The following CSMD1 variants were observed in gnomAD, a reference collection of about 807,000 sequenced individuals.
The protein encoded by CSMD1 is CUB and sushi domain-containing protein 1.
CSMD1 carries 213 observed loss-of-function variants against 417.5 expected under a neutral mutation model. The observed-to-expected ratio is 0.51, with a 90% CI of 0.46 to 0.57. The LOEUF is 0.57. Ranked by LOEUF, CSMD1 falls within the 20% of genes least tolerant of loss-of-function variation. CSMD1 has a pLI of 0.00. For missense variants in CSMD1, 6,923 were observed against 4,529.7 expected, an observed-to-expected ratio of 1.53 and a Z score of -15.17; for synonymous variants, 2,862 against 1,736.8, an observed-to-expected ratio of 1.65 and a Z score of -16.11.
chr8:3,489,459 A>T (rs538806280), intron 11 of CSMD1, among the ~76,000 whole-genome samples: 1 of 152,204 alleles, frequency 6.6e-6, no homozygotes, highest in Admixed American at 6.5e-5. Context: ...TGCAAAGGCC[A>T]GAGGGAATCC....
At chr8:3,599,149 G>GTGTGTT (rs35919818) in intron 8 of CSMD1, among the ~76,000 whole-genome samples, 4 of 146,408 alleles carry the variant, frequency 2.7e-5, no homozygotes, top group African/African-American at 2.7e-5. Flanking sequence ...GTGTGTGTGT[G>GTGTGTT]TCTGTGTGTG....
At chr8:3,795,448 C>G (rs1362488187) in intron 5 of CSMD1, among the ~76,000 whole-genome samples, 1 of 22,050 alleles carries the variant, frequency 4.5e-5, no homozygotes, top group East Asian at 1.5e-3. Flanking sequence ...ATATATCTAT[C>G]ATAGATATAG....
chr8:3,632,737 T>A (rs28578657), intron 7 of CSMD1, among the ~76,000 whole-genome samples: 21,621 of 152,156 alleles, frequency 0.14, 1,969 homozygotes, highest in African/African-American at 0.25. Flanking sequence ...ACCACACCAA[T>A]GTCCTTGCCA....
intron 4 of CSMD1, among the ~76,000 whole-genome samples, chr8:4,016,473 A>C (rs1223846148): frequency 6.6e-6 from 1 of 152,130 alleles, no homozygotes; most frequent in East Asian, 1.9e-4. Context: ...GCCTCTGCCC[A>C]AGAATGCAAG....
In CSMD1 at chr8:3,668,269, C is replaced by T. The variant is rs142101809; in HGVS notation, c.1009+40145G>A. On this transcript the variant is annotated intron_variant, in intron 7 of 69. Coordinates refer to ENST00000635120, the MANE Select transcript of CSMD1 (RefSeq NM_033225.6). ...CATTCTGGGTGATGAGTTCAGCCTG[C>T]GAAGATGGCCCTGTGTAAAGGAAGA... Among the ~76,000 whole-genome samples, 625 of 152,170 alleles carry T rather than the reference C, an allele frequency of 4.1e-3. 1 individual carries two copies. The highest frequency in any genetic ancestry group is 6.6e-3 in the Non-Finnish European group (450 of 68,020).
intron 1 of CSMD1, among the ~76,000 whole-genome samples, chr8:4,980,360 G>T (rs1022239689): frequency 6.6e-6 from 1 of 152,200 alleles, no homozygotes; most frequent in Non-Finnish European, 1.5e-5. Flanking sequence ...TGCACTTAGA[G>T]CCCCAGCAAG....
chr8:4,016,753 G>C (rs977646694), intron 4 of CSMD1, among the ~76,000 whole-genome samples: 21 of 152,130 alleles, frequency 1.4e-4, no homozygotes, highest in Non-Finnish European at 2.8e-4. Flanking sequence ...TTGGGTTAAG[G>C]GCTCTGTTGA....
intron 16 of CSMD1, among the ~76,000 whole-genome samples, chr8:3,398,170 T>A (rs1470819800): frequency 6.6e-6 from 1 of 152,126 alleles, no homozygotes; most frequent in African/African-American, 2.4e-5. Flanking sequence ...TTTTACTAAA[T>A]TACTTAAATT....
At chr8:3,338,216 G>T (rs907364710) in intron 23 of CSMD1, among the ~76,000 whole-genome samples, 3 of 152,172 alleles carry the variant, frequency 2.0e-5, no homozygotes, top group Non-Finnish European at 4.4e-5. Flanking sequence ...GTGTATGCCT[G>T]TCTCATCTCC....
chr8:3,496,453 G>A (rs1396741850), intron 10 of CSMD1, among the ~76,000 whole-genome samples: 1 of 152,214 alleles, frequency 6.6e-6, no homozygotes, highest in African/African-American at 2.4e-5. Context: ...ACAGAGCTAG[G>A]AGTGTTTATT....
chr8:3,023,094 A>G (rs1332052917), intron 51 of CSMD1, among the ~76,000 whole-genome samples: 2 of 152,218 alleles, frequency 1.3e-5, no homozygotes, highest in East Asian at 1.9e-4. Flanking sequence ...CGAAATGACA[A>G]TGACTACGCT....
chr8:3,387,578 C>A lies in CSMD1; in HGVS notation c.2698G>T (p.Asp900Tyr). The A allele has an allele frequency of 6.2e-7, 1 of 1,601,210 alleles. No homozygotes were observed. The highest frequency in any genetic ancestry group is 1.7e-4 in the Middle Eastern group (1 of 6,050). Residue 900 changes from aspartate (D) to tyrosine (Y), a missense_variant, in exon 18 of 70, where the codon GAC becomes TAC. Physicochemically the swap from Asp to Tyr is radical, Grantham distance 160 (BLOSUM62 -3). Coordinates refer to ENST00000635120, the MANE Select transcript of CSMD1 (RefSeq NM_033225.6). The part of the protein sequence containing the change: ...GIRSTVTFSC[D>Y]PGYTLSDDEP... ...TCGTCACTTAGTGTGTACCCCGGGT[C>A]ACAGCTGAAAGTCACTGTGGACCTG...
At chr8:3,439,309 A>ATATATATATATATATATATTTTT in intron 12 of CSMD1, among the ~76,000 whole-genome samples, 76 of 62,366 alleles carry the variant, frequency 1.2e-3, no homozygotes, top group Non-Finnish European at 1.6e-3. Context: ...ATATATATAT[A>ATATATATATATATATATATTTTT]TTTTTTTTTT....
At chr8:4,112,327 C>T (rs566724385) in intron 3 of CSMD1, among the ~76,000 whole-genome samples, 12 of 152,294 alleles carry the variant, frequency 7.9e-5, no homozygotes, top group Middle Eastern at 3.4e-3. Flanking sequence ...ACCCTGGCAA[C>T]GGACACAGGC....
chr8:3,597,668 G>A (rs957400944), intron 8 of CSMD1, among the ~76,000 whole-genome samples: 2 of 152,146 alleles, frequency 1.3e-5, no homozygotes, highest in African/African-American at 2.4e-5. Flanking sequence ...AAAAAATGAT[G>A]AGTTCATGTC....
At chr8:4,488,123 C>A (rs939003659) in intron 2 of CSMD1, among the ~76,000 whole-genome samples, 12 of 152,124 alleles carry the variant, frequency 7.9e-5, no homozygotes, top group Non-Finnish European at 5.9e-5. Context: ...AGCAGGGTCT[C>A]CCCAGACATC....
At chr8:4,904,450 T>A (rs770145846) in intron 1 of CSMD1, among the ~76,000 whole-genome samples, 2 of 152,086 alleles carry the variant, frequency 1.3e-5, no homozygotes, top group African/African-American at 4.8e-5. Context: ...TTTGAAGAGG[T>A]AAGAGACATG....
rs1309764531 is a variant in CSMD1, at chr8:3,960,775, CAT to C, written c.818+37126_818+37127del. Among the ~76,000 whole-genome samples, 8 of 151,732 alleles carry C rather than the reference CAT, an allele frequency of 5.3e-5. No individual in the cohort carries two copies. In the East Asian group the frequency reaches 1.4e-3, roughly 26 times the overall value. ...ATTTAAAATCAAGAAGTGATAAAAA[CAT>C]ATGTAGAAACTGGAAAATTACAATT... is the stretch of plus-strand genomic sequence containing the variant. On this transcript the variant is annotated intron_variant, in intron 5 of 69. Transcript: ENST00000635120.
chr8:3,291,006 C>T (rs1037364176), intron 25 of CSMD1, among the ~76,000 whole-genome samples: 1 of 152,122 alleles, frequency 6.6e-6, no homozygotes, highest in African/African-American at 2.4e-5. Context: ...CCCATCAACA[C>T]CTAATTTTTT....
Sources: gnomAD v4.1 joint callset for allele counts (sites outside exome capture counted in the v4.1 genomes callset) on GRCh38, gnomAD v4.1.1 for gene constraint, MANE v1.5 for transcripts, NCBI Gene and HGNC (gene_info 2026-07-23, HGNC 2026-07-21) for gene names.